Variants in LYRM4 observed in about 807,000 individuals in gnomAD.
LYRM4 encodes LYR motif-containing protein 4.
In LYRM4, 9 loss-of-function variants were observed where a neutral mutation model predicts 11.7. The observed-to-expected ratio is 0.77, with a 90% CI of 0.46 to 1.34. The LOEUF (loss-of-function observed/expected upper bound fraction) is 1.34. LYRM4 is among the 40% of genes most tolerant of loss of function. LYRM4 has a pLI of 0.00. For synonymous variants in LYRM4, 42 were observed against 40.4 expected, an observed-to-expected ratio of 1.04 and a Z score of -0.15; for missense variants, 133 against 112.5, an observed-to-expected ratio of 1.18 and a Z score of -0.82.
intron 2 of LYRM4, among the ~76,000 whole-genome samples, chr6:5,208,074 C>T (rs1243258052): frequency 3.3e-5 from 5 of 152,090 alleles, no homozygotes; most frequent in Non-Finnish European, 7.4e-5. Flanking sequence ...AATTTCCTCA[C>T]CTAAAAAAAT....
At chr6:5,068,218 A>G in the LYRM4 span, among the ~76,000 whole-genome samples, 3 of 152,220 alleles carry the variant, frequency 2.0e-5, no homozygotes, top group African/African-American at 7.2e-5. The surrounding 1 kb of genome is among the most constrained non-coding windows in gnomAD (Gnocchi z 4.0). Flanking sequence ...ACACTGTATG[A>G]GGTCAAAGTA....
At chr6:5,085,558 G>T in the LYRM4 span, 1 of 1,542,336 alleles carries the variant, frequency 6.5e-7, no homozygotes, top group Middle Eastern at 2.1e-4. Flanking sequence ...CCCGCCGGCC[G>T]AGGAGCTGCC....
At chr6:5,226,972 A>T (rs754524205) in intron 1 of LYRM4, among the ~76,000 whole-genome samples, 1 of 152,160 alleles carries the variant, frequency 6.6e-6, no homozygotes, top group Non-Finnish European at 1.5e-5. Context: ...ATACAATTAG[A>T]TCTACGCATA....
At chr6:5,045,896 T>G in the LYRM4 span, among the ~76,000 whole-genome samples, 2 of 152,342 alleles carry the variant, frequency 1.3e-5, no homozygotes, top group African/African-American at 4.8e-5. Context: ...TGTCAGTATT[T>G]TTCTGCTGCC....
At chr6:5,204,552 T>C (rs1043170702) in intron 2 of LYRM4, among the ~76,000 whole-genome samples, 1 of 152,194 alleles carries the variant, frequency 6.6e-6, no homozygotes, top group Non-Finnish European at 1.5e-5. Context: ...TCTCTTCCCA[T>C]GTGAAATGCA....
chr6:5,044,255 C>T, the LYRM4 span, among the ~76,000 whole-genome samples: 3 of 152,108 alleles, frequency 2.0e-5, no homozygotes, highest in Non-Finnish European at 4.4e-5. Flanking sequence ...CTCGGCCTCC[C>T]GAGTAGCTGG....
the LYRM4 span, among the ~76,000 whole-genome samples, chr6:5,051,954 C>T: frequency 1.6e-4 from 24 of 152,148 alleles, no homozygotes; most frequent in Non-Finnish European, 2.4e-4. Context: ...TGAGAACTCA[C>T]CCTCCCTGTG....
intron 2 of LYRM4, among the ~76,000 whole-genome samples, chr6:5,173,578 A>G (rs569828708): frequency 6.6e-6 from 1 of 152,374 alleles, no homozygotes; most frequent in East Asian, 1.9e-4. Flanking sequence ...GATATCCTAC[A>G]TTAACACATT....
chr6:5,137,328 G>A (rs571354833), intron 2 of LYRM4, among the ~76,000 whole-genome samples: 1 of 152,276 alleles, frequency 6.6e-6, no homozygotes, highest in African/African-American at 2.4e-5. Flanking sequence ...GTGTGGACAC[G>A]TTTTCATTTC....
At chr6:5,097,064 A>G in the LYRM4 span, among the ~76,000 whole-genome samples, 1 of 152,240 alleles carries the variant, frequency 6.6e-6, no homozygotes, top group South Asian at 2.1e-4. Context: ...ATAATTTATA[A>G]AGAAAGGGAA....
chr6:5,073,124 C>G, the LYRM4 span, among the ~76,000 whole-genome samples: 1 of 152,078 alleles, frequency 6.6e-6, no homozygotes, highest in African/African-American at 2.4e-5. Flanking sequence ...ACTGTAATCC[C>G]AGCGCTTTGG....
intron 2 of LYRM4, among the ~76,000 whole-genome samples, chr6:5,202,793 G>A (rs1247151294): frequency 6.6e-6 from 1 of 152,088 alleles, no homozygotes; most frequent in African/African-American, 2.4e-5. Context: ...TAGACTTTTT[G>A]CTTTTTTCAT....
At chr6:5,073,574 C>G in the LYRM4 span, among the ~76,000 whole-genome samples, 1 of 147,442 alleles carries the variant, frequency 6.8e-6, no homozygotes, top group Non-Finnish European at 1.5e-5. Flanking sequence ...ATATATAGTA[C>G]ATAGTATATA....
At chr6:5,171,983 A>G (rs1302264381) in intron 2 of LYRM4, among the ~76,000 whole-genome samples, 5 of 152,198 alleles carry the variant, frequency 3.3e-5, no homozygotes, top group African/African-American at 1.2e-4. Context: ...AGTGACACCC[A>G]CATGGCAATA....
At position 5,154,809 on chromosome 6, in the gene LYRM4, A is replaced by ACT. The variant is rs1193751460; in HGVS notation, c.208-45320_208-45319dup. ...ACTCCAGCCTGGGCGACAGAGCGAGACTCCGTCTCAAAAAATAAATGAATA... is the reference window on the plus strand; with the variant it reads ...ACTCCAGCCTGGGCGACAGAGCGAGACTCTCCGTCTCAAAAAATAAATGAATA... On this transcript the variant is annotated intron_variant, in intron 2 of 2. Transcript: ENST00000330636. 2.0e-3 allele frequency among the ~76,000 whole-genome samples: 303 copies of ACT among 152,108 alleles called. 1 individual carries two copies. The highest frequency in any genetic ancestry group is 6.8e-3 in the African/African-American group (284 of 41,488).
intron 1 of LYRM4, among the ~76,000 whole-genome samples, chr6:5,231,400 G>C (rs1164415038): frequency 6.6e-6 from 1 of 152,154 alleles, no homozygotes; most frequent in African/African-American, 2.4e-5. Flanking sequence ...AGGACAGCAA[G>C]GGAACAAGCT....
intron 2 of LYRM4, among the ~76,000 whole-genome samples, chr6:5,118,642 G>A (rs1763257239): frequency 1.3e-5 from 2 of 152,106 alleles, no homozygotes; most frequent in African/African-American, 2.4e-5. Flanking sequence ...CCACTGTCAA[G>A]TCACCAGCGA....
At chr6:5,240,848 G>A (rs1763834064) in intron 1 of LYRM4, 1 of 152,258 alleles carries the variant, frequency 6.6e-6, no homozygotes, top group Non-Finnish European at 1.5e-5. Flanking sequence ...GCGCCTCAAT[G>A]GCGGGGGCCC....
the LYRM4 span, among the ~76,000 whole-genome samples, chr6:5,091,905 C>T: frequency 6.6e-6 from 1 of 152,160 alleles, no homozygotes; most frequent in Non-Finnish European, 1.5e-5. Flanking sequence ...ATAATTTCTC[C>T]GATTGTAGTT....
Sources: allele counts gnomAD v4.1 joint callset (sites outside exome capture counted in the v4.1 genomes callset), GRCh38; gene constraint gnomAD v4.1.1; non-coding constraint Gnocchi (gnomAD v3.1); transcripts MANE v1.5; gene names NCBI Gene and HGNC (gene_info 2026-07-23, HGNC 2026-07-21).